AGBL1: variants seen among roughly 807,000 people sequenced by gnomAD.
AGBL1 encodes cytosolic carboxypeptidase 4.
In AGBL1, 130 loss-of-function variants were observed where a neutral mutation model predicts 118.9. That is an observed-to-expected ratio of 1.09 (90% CI 0.95 to 1.26). The LOEUF is 1.26. Ranked by LOEUF, AGBL1 falls within the 50% of genes most tolerant of loss-of-function variation. AGBL1 has a pLI of 0.00. For synonymous variants in AGBL1, 555 were observed against 478.9 expected, an observed-to-expected ratio of 1.16 and a Z score of -2.08; for missense variants, 1,584 against 1,298.1, an observed-to-expected ratio of 1.22 and a Z score of -3.38.
At chr15:86,167,564 A>G (rs1238092590) in intron 5 of AGBL1, among the ~76,000 whole-genome samples, 2 of 152,242 alleles carry the variant, frequency 1.3e-5, no homozygotes, top group Non-Finnish European at 2.9e-5. Context: ...GATATTTCTA[A>G]TAGAATTCTA....
chr15:86,822,450 A>G (rs946751238), intron 22 of AGBL1, among the ~76,000 whole-genome samples: 1 of 152,168 alleles, frequency 6.6e-6, no homozygotes, highest in African/African-American at 2.4e-5. Context: ...TCTGTTCTGC[A>G]GTGGCATCAC....
Position 86,108,189 on chromosome 15 carries a change from A to T in AGBL1, c.51+28166A>T, listed in dbSNP as rs1174780391. On this transcript the variant is annotated intron_variant, in intron 1 of 22. Coordinates refer to ENST00000614907, the MANE Select transcript of AGBL1 (RefSeq NM_001386094.1). ...GATGCTTCTTTGACAAAAGCAAGGA[A>T]TAGCAGCTCTCTTGAGGAGAGATTT... is the stretch of plus-strand genomic sequence containing the variant. 3.3e-5 allele frequency among the ~76,000 whole-genome samples: 5 copies of T among 152,384 alleles called. No homozygotes were observed. The East Asian group carries it at 7.7e-4, about 23-fold the overall frequency.
chr15:86,915,342 A>T lies in AGBL1; in HGVS notation c.*8048A>T, dbSNP rs1480942279. ...GTCTTAAGGATAAAATGCAGACAGG[A>T]CCTAGTGCTTGAGCCTTTTCAGATC... On this transcript the variant is annotated 3_prime_UTR_variant, in exon 23 of 23. Coordinates refer to ENST00000614907, the MANE Select transcript of AGBL1 (RefSeq NM_001386094.1). 1 of 152,164 alleles carries T rather than the reference A, an allele frequency of 6.6e-6. No individual in the cohort carries two copies. Among genetic ancestry groups the T allele is most frequent in the African/African-American group, 2.4e-5 (1 of 41,430 alleles). 9.4% of individuals were successfully genotyped at this position (152,164 alleles called of 1,614,324 possible).
At chr15:86,312,726 G>T (rs2079939125) in intron 17 of AGBL1, among the ~76,000 whole-genome samples, 1 of 152,170 alleles carries the variant, frequency 6.6e-6, no homozygotes, top group African/African-American at 2.4e-5. Context: ...TTCTCAACAT[G>T]TAGTGATGCA....
chr15:86,113,178 T>G (rs144801149), intron 1 of AGBL1, among the ~76,000 whole-genome samples: 50 of 152,110 alleles, frequency 3.3e-4, no homozygotes, highest in African/African-American at 1.2e-3. Context: ...TAGTTTCTGT[T>G]CAGTACCGTT....
chr15:86,399,568 T>G (rs1024500589), intron 18 of AGBL1, among the ~76,000 whole-genome samples: 4 of 152,190 alleles, frequency 2.6e-5, no homozygotes, highest in African/African-American at 9.6e-5. Flanking sequence ...ACATGCTCCC[T>G]GTTGACCATT....
chr15:86,475,643 A>G (rs553180416), intron 18 of AGBL1, among the ~76,000 whole-genome samples: 90 of 152,332 alleles, frequency 5.9e-4, no homozygotes, highest in African/African-American at 2.0e-3. Flanking sequence ...AAGTTGGAAA[A>G]CACTCGGCAG....
At chr15:86,917,787 AG>A (rs1567239603), downstream of AGBL1, among the ~76,000 whole-genome samples, 8 of 127,542 alleles carry the variant, frequency 6.3e-5, no homozygotes, top group African/African-American at 1.0e-4. The surrounding 1 kb of genome is among the most constrained non-coding windows in gnomAD (Gnocchi z 4.8). Context: ...AAGGAGAGAG[AG>A]AGAAGAGAGA....
intron 1 of AGBL1, among the ~76,000 whole-genome samples, chr15:86,122,832 A>T (rs1391861822): frequency 6.6e-6 from 1 of 152,120 alleles, no homozygotes; most frequent in Non-Finnish European, 1.5e-5. Flanking sequence ...ATGTCTCATT[A>T]TACCCTCCTC....
At chr15:86,612,692 T>TTG (rs1045877783) in intron 21 of AGBL1, among the ~76,000 whole-genome samples, 5 of 152,206 alleles carry the variant, frequency 3.3e-5, no homozygotes, top group Non-Finnish European at 7.3e-5. Context: ...AGCTGTCTCT[T>TTG]GTGGGGAAAA....
chr15:86,289,436 T>A (rs1317031892), intron 16 of AGBL1, among the ~76,000 whole-genome samples: 1 of 152,216 alleles, frequency 6.6e-6, no homozygotes, highest in Non-Finnish European at 1.5e-5. Context: ...AGCTAACATT[T>A]ATTGTTTCCT....
chr15:86,124,329 C>CAAAA (rs71144030), intron 1 of AGBL1, among the ~76,000 whole-genome samples: 10 of 93,220 alleles, frequency 1.1e-4, no homozygotes, highest in African/African-American at 2.9e-4. Flanking sequence ...GACTCTGTCT[C>CAAAA]AAAAAAAAAA....
intron 21 of AGBL1, among the ~76,000 whole-genome samples, chr15:86,592,254 G>C (rs2084347206): frequency 6.6e-6 from 1 of 152,208 alleles, no homozygotes; most frequent in Admixed American, 6.5e-5. Context: ...GTTAGCAGCA[G>C]CGAATCCAAC....
chr15:86,106,219 C>T (rs940976063), intron 1 of AGBL1, among the ~76,000 whole-genome samples: 4 of 152,292 alleles, frequency 2.6e-5, no homozygotes, highest in East Asian at 3.9e-4. Context: ...ATTATATGTG[C>T]TTGGTCTTTG....
At chr15:87,017,827 A>G (rs1235138674) in intron 24 of AGBL1, among the ~76,000 whole-genome samples, 1 of 152,142 alleles carries the variant, frequency 6.6e-6, no homozygotes, top group Non-Finnish European at 1.5e-5. Flanking sequence ...TAGGCTTCAG[A>G]AGGTGGATAA....
At position 86,257,029 on chromosome 15, in the gene AGBL1, T is replaced by C; in HGVS notation, c.901+11T>C. 6.2e-7 allele frequency: 1 copy of C among 1,612,068 alleles called. No individual in the cohort carries two copies. The highest frequency in any genetic ancestry group is 8.5e-7 in the Non-Finnish European group (1 of 1,178,928). On this transcript the variant is annotated intron_variant, in intron 8 of 22. Coordinates refer to ENST00000614907, the MANE Select transcript of AGBL1 (RefSeq NM_001386094.1). Reference sequence around the variant, plus strand: ...ATGATCTACCTGAAGGTAAAATAAGTTGGTAACTATGACCTTTAAGATGAG... The same window carrying C: ...ATGATCTACCTGAAGGTAAAATAAGCTGGTAACTATGACCTTTAAGATGAG...
At chr15:86,906,992 C>T (rs1315336529) in intron 22 of AGBL1, 95 bp from the exon 23 acceptor site, 3 of 152,288 alleles carry the variant, frequency 2.0e-5, no homozygotes, top group Non-Finnish European at 2.9e-5. Flanking sequence ...TCTTCCCCAT[C>T]TTCCTCCTTC....
intron 15 of AGBL1, among the ~76,000 whole-genome samples, chr15:86,278,061 C>T (rs1375171288): frequency 6.6e-6 from 1 of 152,232 alleles, no homozygotes; most frequent in Non-Finnish European, 1.5e-5. Context: ...ATGTAACTTG[C>T]ATGCTTTCCG....
At chr15:86,754,058 AAAC>A (rs1466139179) in intron 22 of AGBL1, among the ~76,000 whole-genome samples, 1 of 152,178 alleles carries the variant, frequency 6.6e-6, no homozygotes, top group Non-Finnish European at 1.5e-5. Flanking sequence ...GGCTTCAACC[AAAC>A]AACAGCATCC....
Sources: allele counts gnomAD v4.1 joint callset (sites outside exome capture counted in the v4.1 genomes callset), GRCh38; gene constraint gnomAD v4.1.1; non-coding constraint Gnocchi (gnomAD v3.1); transcripts MANE v1.5; gene names NCBI Gene and HGNC (gene_info 2026-07-23, HGNC 2026-07-21).